The following ENTREP2 variants were observed in gnomAD, a reference collection of about 807,000 sequenced individuals.
ENTREP2 encodes the protein endosomal transmembrane epsin interactor 2.
At chr15:29,625,884 G>C in the ENTREP2 span, among the ~76,000 whole-genome samples, 2 of 148,410 alleles carry the variant, frequency 1.3e-5, no homozygotes, top group African/African-American at 2.5e-5. Flanking sequence ...TTTTTGCTCT[G>C]TGCCCAGGCT....
chr15:29,446,716 G>C, the ENTREP2 span, among the ~76,000 whole-genome samples: 1 of 152,172 alleles, frequency 6.6e-6, no homozygotes, highest in Non-Finnish European at 1.5e-5. Flanking sequence ...ATTTCTGTAG[G>C]TTAGAAGTCC....
At chr15:29,268,422 G>T in the ENTREP2 span, 1 of 220,750 alleles carries the variant, frequency 4.5e-6, no homozygotes, top group South Asian at 1.8e-4. Flanking sequence ...TACAAACTGG[G>T]GTAGTTAGGA....
At chr15:29,489,691 G>A in the ENTREP2 span, among the ~76,000 whole-genome samples, 1 of 152,088 alleles carries the variant, frequency 6.6e-6, no homozygotes, top group Non-Finnish European at 1.5e-5. Flanking sequence ...AACAGTACCC[G>A]TCCATCAGAG....
chr15:29,439,525 T>G, the ENTREP2 span, among the ~76,000 whole-genome samples: 1 of 151,916 alleles, frequency 6.6e-6, no homozygotes, highest in Non-Finnish European at 1.5e-5. Flanking sequence ...AAAAAAGAAT[T>G]CCAAATCAGA....
the ENTREP2 span, among the ~76,000 whole-genome samples, chr15:29,360,632 A>G: frequency 6.6e-6 from 1 of 152,128 alleles, no homozygotes; most frequent in African/African-American, 2.4e-5. Flanking sequence ...TTGACACATC[A>G]CCCTGCACAG....
the ENTREP2 span, among the ~76,000 whole-genome samples, chr15:29,369,215 A>G: frequency 1.3e-5 from 2 of 152,148 alleles, no homozygotes; most frequent in South Asian, 2.1e-4. Context: ...AAAGACAACA[A>G]TCTACACATC....
At chr15:29,236,418 G>A in the ENTREP2 span, among the ~76,000 whole-genome samples, 2 of 152,026 alleles carry the variant, frequency 1.3e-5, no homozygotes, top group African/African-American at 2.4e-5. Context: ...GGCTGAGATG[G>A]GAGGATCGCT....
At chr15:29,377,606 G>A in the ENTREP2 span, among the ~76,000 whole-genome samples, 4 of 152,030 alleles carry the variant, frequency 2.6e-5, no homozygotes, top group Admixed American at 6.6e-5. Flanking sequence ...GGCGGATCAC[G>A]AGATCAGGAG....
the ENTREP2 span, among the ~76,000 whole-genome samples, chr15:29,478,170 G>A: frequency 8.0e-5 from 12 of 150,750 alleles, no homozygotes; most frequent in East Asian, 5.9e-4. Context: ...GACTACAGGC[G>A]CCCGTCACCA....
chr15:29,441,119 A>G, the ENTREP2 span, among the ~76,000 whole-genome samples: 1 of 152,210 alleles, frequency 6.6e-6, no homozygotes, highest in Non-Finnish European at 1.5e-5. Flanking sequence ...CACACAATGG[A>G]GTGTTATTCA....
chr15:29,192,883 T>C, the ENTREP2 span, among the ~76,000 whole-genome samples: 3 of 152,200 alleles, frequency 2.0e-5, no homozygotes, highest in African/African-American at 7.2e-5. Flanking sequence ...TAAGCAGACG[T>C]AGTAAAAGAC....
chr15:29,235,101 C>T, the ENTREP2 span: 1 of 1,068,942 alleles, frequency 9.4e-7, no homozygotes, highest in Non-Finnish European at 1.5e-6. Context: ...TTCCTCATGT[C>T]CCACAACAGA....
At chr15:29,567,195 G>A in the ENTREP2 span, among the ~76,000 whole-genome samples, 29 of 151,996 alleles carry the variant, frequency 1.9e-4, no homozygotes, top group African/African-American at 6.5e-4. Flanking sequence ...AATGGAAACT[G>A]CACAGCTCTG....
chr15:29,269,651 T>C, the ENTREP2 span: 11 of 1,573,612 alleles, frequency 7.0e-6, 1 homozygote, highest in South Asian at 1.0e-4. Flanking sequence ...CTCCAGTCTC[T>C]GTCCCTCTCG....
At chr15:29,513,006 A>G in the ENTREP2 span, among the ~76,000 whole-genome samples, 1 of 152,276 alleles carries the variant, frequency 6.6e-6, no homozygotes, top group African/African-American at 2.4e-5. Context: ...TTTCTCTGAA[A>G]TCTCTCATAT....
chr15:29,490,117 G>A, the ENTREP2 span, among the ~76,000 whole-genome samples: 2 of 152,164 alleles, frequency 1.3e-5, no homozygotes, highest in Non-Finnish European at 2.9e-5. Flanking sequence ...TGGGTTCTCG[G>A]TCTCACTGAC....
At chr15:29,614,572 AT>A in the ENTREP2 span, among the ~76,000 whole-genome samples, 1 of 152,112 alleles carries the variant, frequency 6.6e-6, no homozygotes, top group African/African-American at 2.4e-5. Context: ...GTAACCGTGT[AT>A]TTCCTTCTGG....
chr15:29,323,007 T>C, the ENTREP2 span, among the ~76,000 whole-genome samples: 2 of 152,312 alleles, frequency 1.3e-5, no homozygotes, highest in African/African-American at 4.8e-5. Context: ...ATAAATGCAA[T>C]GAATGATAGC....
the ENTREP2 span, among the ~76,000 whole-genome samples, chr15:29,180,350 G>T: frequency 6.6e-6 from 1 of 152,188 alleles, no homozygotes; most frequent in South Asian, 2.1e-4. Flanking sequence ...CCTGACTACA[G>T]TACAATTAAA....
Sources: allele counts gnomAD v4.1 joint callset (sites outside exome capture counted in the v4.1 genomes callset), GRCh38; gene constraint gnomAD v4.1.1; transcripts MANE v1.5; gene names NCBI Gene and HGNC (gene_info 2026-07-23, HGNC 2026-07-21).